SH2D3C: variants seen among roughly 807,000 people sequenced by gnomAD.
SH2D3C encodes the protein SH2 domain-containing protein 3C.
A neutral mutation model predicts 75.2 loss-of-function variants in SH2D3C; 25 were observed. The observed-to-expected ratio is 0.33, with a 90% confidence interval of 0.24 to 0.46. The LOEUF is 0.46. SH2D3C is among the 20% of genes least tolerant of loss of function. The probability of loss-of-function intolerance (pLI) is 1.00; values close to 1 mark genes in which losing one functional copy is unlikely to be tolerated. For missense variants in SH2D3C, 933 were observed against 1,165.3 expected (o/e 0.80, Z 2.90); for synonymous variants, 450 against 473.7 (o/e 0.95, Z 0.65).
intron 2 of SH2D3C, among the ~76,000 whole-genome samples, chr9:127,773,411 AG>A (rs1349314664): frequency 1.3e-5 from 2 of 152,072 alleles, no homozygotes; most frequent in Non-Finnish European, 2.9e-5. Flanking sequence ...CTTTGAAGGC[AG>A]GGGGTCTCGG....
chr9:127,757,198 C>T (rs905397297), intron 3 of SH2D3C, among the ~76,000 whole-genome samples: 8 of 151,252 alleles, frequency 5.3e-5, no homozygotes, highest in East Asian at 1.9e-4. Context: ...CCGCATTACA[C>T]GCATAAGCCA....
At chr9:127,776,391 GTTGTGAGCCTGAGGGTCGCA>G (rs1845810277) in intron 1 of SH2D3C, among the ~76,000 whole-genome samples, 1 of 151,864 alleles carries the variant, frequency 6.6e-6, no homozygotes, top group Non-Finnish European at 1.5e-5. Flanking sequence ...GGAGGGGGTT[GTTGTGAGCCTGAGGGTCGCA>G]CTGTCTGTGG....
rs145452567 is a variant in SH2D3C, at chr9:127,757,074, T to C, written c.555+4537A>G. 2.5e-3 allele frequency among the ~76,000 whole-genome samples: 374 copies of C among 150,110 alleles called. 6 individuals are homozygous for C. The East Asian group carries it at 0.054, about 22-fold the overall frequency. On this transcript the variant is annotated intron_variant, in intron 3 of 11. Coordinates refer to ENST00000314830, the MANE Select transcript of SH2D3C (RefSeq NM_170600.3). Reference sequence around the variant, plus strand: ...CTTCCCGAGTAGCTGGGATTACAAGTGACAAGTGCCTGCCACCATGCTTGG... The same window carrying C: ...CTTCCCGAGTAGCTGGGATTACAAGCGACAAGTGCCTGCCACCATGCTTGG...
intron 7 of SH2D3C, 114 bp from the exon 8 acceptor site, chr9:127,743,078 GA>G (rs1313301899): frequency 1.6e-6 from 1 of 640,326 alleles, no homozygotes; most frequent in Admixed American, 2.8e-5. Flanking sequence ...GGCGGGGTTT[GA>G]ATTCCAGCTC....
chr9:127,740,591 C>T (rs1404793925), intron 9 of SH2D3C, among the ~76,000 whole-genome samples: 4 of 152,212 alleles, frequency 2.6e-5, no homozygotes, highest in Non-Finnish European at 5.9e-5. Context: ...ATGACTTGCC[C>T]AAGGTTATTC....
rs1426969677 is a variant in SH2D3C at position 127,749,113 on chromosome 9, G to A, written c.1139+98C>T. 3 of 906,546 alleles carry A rather than the reference G, an allele frequency of 3.3e-6. No individual in the cohort carries two copies. The highest frequency in any genetic ancestry group is 5.1e-6 in the Non-Finnish European group (3 of 593,708). The allele number at this position is 906,546 out of a possible 1,614,324, so 56.2% of individuals were successfully genotyped here. A position where few individuals can be genotyped will look rare whatever the true frequency, so the allele number is the denominator to read the frequency against. On this transcript the variant is annotated intron_variant, in intron 5 of 11. Coordinates refer to ENST00000314830, the MANE Select transcript of SH2D3C (RefSeq NM_170600.3). This position sits in a 1 kb window ranked among gnomAD's most constrained non-coding sequence, Gnocchi z 5.9. ...CTCCCTGCACACAGAGGCTCCAGGA[G>A]AGTAATTTCATCCCATTTCAGTGTA...
intron 7 of SH2D3C, among the ~76,000 whole-genome samples, chr9:127,743,895 G>A (rs1844942094): frequency 6.6e-6 from 1 of 151,844 alleles, no homozygotes; most frequent in Non-Finnish European, 1.5e-5. Flanking sequence ...GGGGCGGTGG[G>A]GGCAGAGAGT....
chr9:127,752,343 T>G (rs1340566156), intron 3 of SH2D3C, among the ~76,000 whole-genome samples: 1 of 152,134 alleles, frequency 6.6e-6, no homozygotes, highest in Admixed American at 6.5e-5. Flanking sequence ...TCCAGAGTAC[T>G]ACTAGCACAT....
Position 127,744,909 on chromosome 9 carries a change from G to T in SH2D3C, c.1455C>A (p.Ser485Arg). The T allele has an allele frequency of 6.2e-7, 1 of 1,608,294 alleles. No homozygotes were observed. Among genetic ancestry groups the T allele is most frequent in the Non-Finnish European group, 8.5e-7 (1 of 1,176,208 alleles). Residue 485 changes from serine to arginine, a missense_variant, in exon 7 of 12, where the codon AGC (serine) becomes AGA (arginine). Physicochemically the swap from Ser to Arg is moderately radical, Grantham distance 110. Coordinates refer to ENST00000314830, the MANE Select transcript of SH2D3C (RefSeq NM_170600.3). ...GGCCAGAGTCCGGGTCACTGTAGCTGCTGAGTGATGGTGACGGGGAGGCCT... is the reference window on the plus strand; with the variant it reads ...GGCCAGAGTCCGGGTCACTGTAGCTTCTGAGTGATGGTGACGGGGAGGCCT... ...LGKASPSPSL[S>R]SYSDPDSGHY...
rs1166444689 is a variant in SH2D3C, at chr9:127,742,915, A to G, written c.1850T>C (p.Val617Ala). 1.9e-6 allele frequency: 3 copies of G among 1,613,904 alleles called. No homozygotes were observed. Among genetic ancestry groups the G allele is most frequent in the Non-Finnish European group, 1.7e-6 (2 of 1,179,906 alleles). The change falls in exon 8 of 12, where the codon GTC (valine) becomes GCC (alanine). Residue 617 changes from valine (V) to alanine (A), a missense_variant. By Grantham distance (64) the Val-to-Ala change is moderately conservative. Coordinates refer to ENST00000314830, the MANE Select transcript of SH2D3C (RefSeq NM_170600.3). ...VTKEMQTLMGVRWGMELLTLP... is the reference protein window; with the variant it reads ...VTKEMQTLMGARWGMELLTLP... The stretch of plus-strand genomic sequence containing the variant: ...GGTGAGCAGTTCCATGCCCCAGCGG[A>G]CTCCCATTAGGGTCTGCATCTCCTT...
intron 5 of SH2D3C, 120 bp from the exon 6 acceptor site, chr9:127,747,391 A>G (rs1259054416): frequency 2.1e-6 from 2 of 944,206 alleles, no homozygotes; most frequent in Non-Finnish European, 3.0e-6. Context: ...GAGATTATCA[A>G]ATCCAACCTC....
At chr9:127,748,056 C>T (rs1250834741) in intron 5 of SH2D3C, among the ~76,000 whole-genome samples, 1 of 152,150 alleles carries the variant, frequency 6.6e-6, no homozygotes. Flanking sequence ...CCATGAGGTG[C>T]CTTTGTGCAA....
intron 2 of SH2D3C, among the ~76,000 whole-genome samples, chr9:127,765,210 G>A (rs1469823509): frequency 2.0e-5 from 3 of 152,054 alleles, no homozygotes; most frequent in Non-Finnish European, 4.4e-5. Context: ...CCCCTTCTCA[G>A]CAAGGTCTTC....
chr9:127,754,996 C>G lies in SH2D3C; in HGVS notation c.556-3696G>C, dbSNP rs992736323. 1 of 657,060 alleles carries G rather than the reference C, an allele frequency of 1.5e-6. No homozygotes were observed. Among genetic ancestry groups the G allele is most frequent in the African/African-American group, 2.0e-5 (1 of 49,914 alleles). The allele number at this position is 657,060 out of a possible 1,614,324, so 40.7% of individuals were successfully genotyped here. A position where few individuals can be genotyped will look rare whatever the true frequency, so the allele number is the denominator to read the frequency against. On this transcript the variant is annotated intron_variant, in intron 3 of 11. Coordinates refer to ENST00000314830, the MANE Select transcript of SH2D3C (RefSeq NM_170600.3). The surrounding 1 kb of genome is among the most constrained non-coding windows in gnomAD (Gnocchi z 4.4). Reference sequence around the variant, plus strand: ...TGCCGGGCGCCGCTGAGCTGCAGCTCCCCGGCTGGCTCTAGGGCCCCGGGC... The same window carrying G: ...TGCCGGGCGCCGCTGAGCTGCAGCTGCCCGGCTGGCTCTAGGGCCCCGGGC...
chr9:127,759,840 C>T (rs1005840276), intron 3 of SH2D3C, among the ~76,000 whole-genome samples: 3 of 151,298 alleles, frequency 2.0e-5, no homozygotes, highest in South Asian at 2.1e-4. Context: ...AAAATTAGCC[C>T]GGCGTGGTGG....
At chr9:127,768,793 C>T (rs1485668358) in intron 2 of SH2D3C, among the ~76,000 whole-genome samples, 1 of 151,922 alleles carries the variant, frequency 6.6e-6, no homozygotes, top group Non-Finnish European at 1.5e-5. Flanking sequence ...CTGTCCTCCC[C>T]ACCTTGCTCT....
Position 127,753,343 on chromosome 9 carries a change from C to T in SH2D3C, c.556-2043G>A, listed in dbSNP as rs551075057. Among the ~76,000 whole-genome samples, 31 of 149,846 alleles carry T rather than the reference C, an allele frequency of 2.1e-4. No individual in the cohort carries two copies. The East Asian group carries it at 5.4e-3, about 26-fold the overall frequency. ...TCAGAGAGGACTCCTGGCCGAGATC[C>T]TAGAAGGATGATTGGGACATGCTCT... is the stretch of plus-strand genomic sequence containing the variant. On this transcript the variant is annotated intron_variant, in intron 3 of 11. Transcript: ENST00000314830.
At chr9:127,747,392 A>G in intron 5 of SH2D3C, 121 bp from the exon 6 acceptor site, 1 of 937,798 alleles carries the variant, frequency 1.1e-6, no homozygotes, top group Non-Finnish European at 1.5e-6. Flanking sequence ...AGATTATCAA[A>G]TCCAACCTCC....
At chr9:127,773,521 G>GT (rs1845767118) in intron 2 of SH2D3C, among the ~76,000 whole-genome samples, 1 of 152,198 alleles carries the variant, frequency 6.6e-6, no homozygotes, top group Non-Finnish European at 1.5e-5. Flanking sequence ...TGTGGAAACA[G>GT]TAACAGTCTC....
Sources: gnomAD v4.1 joint callset for allele counts (sites outside exome capture counted in the v4.1 genomes callset) on GRCh38, gnomAD v4.1.1 for gene constraint, Gnocchi (gnomAD v3.1) non-coding constraint, MANE v1.5 for transcripts, NCBI Gene and HGNC (gene_info 2026-07-23, HGNC 2026-07-21) for gene names.